Variants in AFF3 observed in about 807,000 individuals in gnomAD.
The protein encoded by AFF3 is AF4/FMR2 family member 3.
In AFF3, 32 loss-of-function variants were observed where a neutral mutation model predicts 129.7. The ratio of observed to expected loss-of-function variants is 0.25; its 90% CI spans 0.19 to 0.33. AFF3 has a LOEUF of 0.33. Among genes scored for constraint, AFF3 ranks in the 10% least tolerant of loss-of-function variants. The pLI is 1.00. For synonymous variants in AFF3, 644 were observed against 635.4 expected (o/e 1.01, Z -0.20); for missense variants, 1,373 against 1,592.0 (o/e 0.86, Z 2.34).
At chr2:100,096,034 G>C (rs1341856238) in intron 4 of AFF3, among the ~76,000 whole-genome samples, 8 of 151,972 alleles carry the variant, frequency 5.3e-5, no homozygotes, top group African/African-American at 1.7e-4. Context: ...CTATGGCCAC[G>C]GGGTAGTGCA....
intron 18 of AFF3, among the ~76,000 whole-genome samples, chr2:99,577,242 G>A (rs930047157): frequency 6.6e-6 from 1 of 152,160 alleles, no homozygotes; most frequent in Non-Finnish European, 1.5e-5. Flanking sequence ...ATTGTACAGA[G>A]GTGAATAAAT....
chr2:99,648,885 G>GCACACACA (rs1185084808), intron 13 of AFF3, among the ~76,000 whole-genome samples: 3 of 93,760 alleles, frequency 3.2e-5, no homozygotes, highest in Non-Finnish European at 6.3e-5. Flanking sequence ...AAACACGCGC[G>GCACACACA]CACACACACA....
intron 8 of AFF3, among the ~76,000 whole-genome samples, chr2:99,753,134 T>A (rs1234461414): frequency 1.3e-5 from 2 of 152,180 alleles, no homozygotes; most frequent in Non-Finnish European, 2.9e-5. Context: ...GGAGTCTCAC[T>A]CTGTTGCTCA....
chr2:99,724,154 G>C (rs1354989933), intron 11 of AFF3, among the ~76,000 whole-genome samples: 1 of 151,604 alleles, frequency 6.6e-6, no homozygotes, highest in Non-Finnish European at 1.5e-5. Flanking sequence ...TTTCCTACTT[G>C]ATTGTGACTC....
chr2:100,060,419 T>C (rs1049401793), intron 4 of AFF3, among the ~76,000 whole-genome samples: 7 of 152,192 alleles, frequency 4.6e-5, no homozygotes, highest in Admixed American at 2.0e-4. Flanking sequence ...CCAAAGGCTA[T>C]GCCTTAACCA....
chr2:100,137,870 T>C (rs1310980915), intron 1 of AFF3, among the ~76,000 whole-genome samples: 3 of 152,192 alleles, frequency 2.0e-5, no homozygotes, highest in Non-Finnish European at 2.9e-5. Context: ...ACTGTGATTT[T>C]GTGAGGAGTT....
rs142552276 is a variant in AFF3 at position 99,800,442 on chromosome 2, A to T, written c.921+37035T>A. Among the ~76,000 whole-genome samples, 645 of 152,202 alleles carry T rather than the reference A, an allele frequency of 4.2e-3. 3 individuals are homozygous for T. Among genetic ancestry groups the T allele is most frequent in the African/African-American group, 0.015 (613 of 41,542 alleles). On this transcript the variant is annotated intron_variant, in intron 8 of 24. Transcript: ENST00000672756. ...TTGGCAAGGATGTGGAGAAACAACA[A>T]CTCTCCTCCATTGCTGGTAGAGATG...
intron 11 of AFF3, among the ~76,000 whole-genome samples, chr2:99,679,201 T>C (rs1674292824): frequency 6.6e-6 from 1 of 152,180 alleles, no homozygotes; most frequent in African/African-American, 2.4e-5. Context: ...TTTTGGTCCA[T>C]AGCAAGGTGG....
chr2:99,670,706 A>T (rs1424662847), intron 12 of AFF3, among the ~76,000 whole-genome samples: 4 of 152,218 alleles, frequency 2.6e-5, no homozygotes, highest in Admixed American at 1.3e-4. Context: ...AGGACAACTT[A>T]ATGCAATTAC....
chr2:99,629,109 C>T (rs1001921546), intron 13 of AFF3, among the ~76,000 whole-genome samples: 12 of 152,176 alleles, frequency 7.9e-5, no homozygotes, highest in Non-Finnish European at 1.3e-4. Context: ...CCACCTGCCT[C>T]GGCCTCCCAA....
At position 99,924,177 on chromosome 2, in the gene AFF3, T is replaced by C. The variant is rs150023543; in HGVS notation, c.873+82455A>G. On this transcript the variant is annotated intron_variant, in intron 7 of 24. Coordinates refer to ENST00000672756, the MANE Select transcript of AFF3 (RefSeq NM_001386135.1). ...AGTCTCACTGAACAAACTTCGGTGT[T>C]CCACACTGGACTGGGGGATTCGGAA... Among the ~76,000 whole-genome samples the C allele has an allele frequency of 1.6e-4, 24 of 152,290 alleles. 1 individual carries two copies. In the East Asian group the frequency reaches 4.4e-3, roughly 28 times the overall value.
At chr2:99,720,471 T>C (rs565878718) in intron 11 of AFF3, among the ~76,000 whole-genome samples, 54 of 152,300 alleles carry the variant, frequency 3.5e-4, no homozygotes, top group African/African-American at 1.3e-3. Context: ...TGATGCAGCA[T>C]AGAAGTCCTC....
At chr2:99,679,664 CAG>C (rs1254765873) in intron 11 of AFF3, among the ~76,000 whole-genome samples, 4 of 152,186 alleles carry the variant, frequency 2.6e-5, no homozygotes, top group African/African-American at 4.8e-5. Flanking sequence ...GTCAGTGGTA[CAG>C]AGTCTGGGGT....
intron 4 of AFF3, among the ~76,000 whole-genome samples, chr2:100,103,806 G>T (rs1408510696): frequency 1.3e-5 from 2 of 152,004 alleles, no homozygotes; most frequent in Non-Finnish European, 2.9e-5. Flanking sequence ...CCGAGGAAAG[G>T]AGTCTCCCTG....
intron 20 of AFF3, 117 bp downstream of exon 20, chr2:99,565,370 A>C: frequency 1.4e-6 from 2 of 1,425,626 alleles, no homozygotes; most frequent in Admixed American, 1.9e-5. Flanking sequence ...TTTTGGGGGG[A>C]TGAACACTGG....
At chr2:99,774,135 G>A (rs1045689797) in intron 8 of AFF3, among the ~76,000 whole-genome samples, 19 of 152,088 alleles carry the variant, frequency 1.2e-4, no homozygotes, top group Admixed American at 1.0e-3. Context: ...AGGAAGAATC[G>A]ATATCATGAA....
chr2:99,700,213 C>T (rs112579373), intron 11 of AFF3, among the ~76,000 whole-genome samples: 1,852 of 152,168 alleles, frequency 0.012, 38 homozygotes, highest in African/African-American at 0.041. Context: ...CTCCGCCTGC[C>T]GGGTTCATGC....
intron 7 of AFF3, among the ~76,000 whole-genome samples, chr2:99,927,685 AT>A (rs11354148): frequency 0.039 from 5,997 of 152,272 alleles, 392 homozygotes; most frequent in African/African-American, 0.14. Context: ...TTAAGATGTA[AT>A]TTTACCTATG....
At chr2:99,975,868 G>GAAA (rs5832890) in intron 7 of AFF3, among the ~76,000 whole-genome samples, 22 of 74,648 alleles carry the variant, frequency 2.9e-4, no homozygotes, top group African/African-American at 9.1e-4. Flanking sequence ...AGATTAAAAT[G>GAAA]AAAAAAAAAA....
Sources: allele counts gnomAD v4.1 joint callset (sites outside exome capture counted in the v4.1 genomes callset), GRCh38; gene constraint gnomAD v4.1.1; transcripts MANE v1.5; gene names NCBI Gene and HGNC (gene_info 2026-07-23, HGNC 2026-07-21).